MACROD2: variants seen among roughly 807,000 people sequenced by gnomAD.
The protein encoded by MACROD2 is mono-ADP ribosylhydrolase 2.
Under a neutral mutation model 70.4 loss-of-function variants are expected in MACROD2, and 36 were observed. The observed-to-expected ratio is 0.51, with a 90% CI of 0.39 to 0.68. The LOEUF (loss-of-function observed/expected upper bound fraction) is 0.68. Ranked by LOEUF, MACROD2 falls within the 30% of genes least tolerant of loss-of-function variation. The pLI is 0.00. For missense variants in MACROD2, 496 were observed against 538.4 expected (o/e 0.92, Z 0.78); for synonymous variants, 172 against 178.8 (o/e 0.96, Z 0.30).
intron 9 of MACROD2, among the ~76,000 whole-genome samples, chr20:15,882,770 G>C (rs987521333): frequency 6.6e-6 from 1 of 152,066 alleles, no homozygotes; most frequent in Non-Finnish European, 1.5e-5. Context: ...GACTAAATCA[G>C]TGCGTGAATG....
intron 12 of MACROD2, among the ~76,000 whole-genome samples, chr20:15,956,264 T>C (rs2065975446): frequency 6.6e-6 from 1 of 152,248 alleles, no homozygotes; most frequent in African/African-American, 2.4e-5. Flanking sequence ...AGTAATGATA[T>C]GACCTGAGCC....
Position 15,618,374 on chromosome 20 carries a change from A to G in MACROD2, c.645+118527A>G, listed in dbSNP as rs553614516. Among the ~76,000 whole-genome samples the G allele has an allele frequency of 4.6e-5, 7 of 152,264 alleles. No individual in the cohort carries two copies. In the South Asian group the frequency reaches 1.5e-3, roughly 32 times the overall value. ...CCAGCCACATGGAAACAAGGCAGTT[A>G]TCTGCAAAGCTGAACTAGATCTCAT... On this transcript the variant is annotated intron_variant, in intron 8 of 17. Transcript: ENST00000684519.
At chr20:15,121,284 G>C (rs1298735041) in intron 5 of MACROD2, among the ~76,000 whole-genome samples, 13 of 152,116 alleles carry the variant, frequency 8.5e-5, no homozygotes, top group Non-Finnish European at 1.8e-4. Flanking sequence ...AGCCAAGGCA[G>C]GTGGATCATC....
intron 5 of MACROD2, among the ~76,000 whole-genome samples, chr20:15,217,105 G>A (rs1332198908): frequency 6.6e-6 from 1 of 152,060 alleles, no homozygotes; most frequent in African/African-American, 2.4e-5. Flanking sequence ...GAGAAGACCA[G>A]GCATCCAAGA....
chr20:14,017,982 G>T (rs752422351), intron 2 of MACROD2, among the ~76,000 whole-genome samples: 1 of 152,008 alleles, frequency 6.6e-6, no homozygotes. Context: ...ACTAATTATA[G>T]GTCTATTGAA....
chr20:15,472,759 T>C (rs1452625220), intron 7 of MACROD2, among the ~76,000 whole-genome samples: 1 of 152,224 alleles, frequency 6.6e-6, no homozygotes, highest in Non-Finnish European at 1.5e-5. Context: ...TGTTCCAATG[T>C]TCTTTCCCAT....
At chr20:15,749,672 G>A (rs1030335834) in intron 8 of MACROD2, among the ~76,000 whole-genome samples, 5 of 152,042 alleles carry the variant, frequency 3.3e-5, no homozygotes, top group African/African-American at 1.2e-4. Context: ...TTGGCCCAAA[G>A]AGTGAGGAAA....
chr20:15,630,155 C>T (rs549742838), intron 8 of MACROD2, among the ~76,000 whole-genome samples: 1 of 152,196 alleles, frequency 6.6e-6, no homozygotes, highest in East Asian at 1.9e-4. Context: ...ATGAAAGTAA[C>T]TGAGTTAGTG....
At chr20:14,543,274 C>G (rs954528959) in intron 4 of MACROD2, among the ~76,000 whole-genome samples, 1 of 152,040 alleles carries the variant, frequency 6.6e-6, no homozygotes, top group African/African-American at 2.4e-5. Flanking sequence ...GATTCAAATC[C>G]CAGGCAGGAC....
At chr20:14,423,989 C>T (rs1382214911) in intron 3 of MACROD2, among the ~76,000 whole-genome samples, 6 of 151,452 alleles carry the variant, frequency 4.0e-5, no homozygotes, top group Non-Finnish European at 8.8e-5. Flanking sequence ...CTTGAACTCT[C>T]GACCTCAGGT....
intron 5 of MACROD2, among the ~76,000 whole-genome samples, chr20:14,685,941 G>A (rs2070996780): frequency 1.3e-5 from 2 of 152,324 alleles, no homozygotes; most frequent in African/African-American, 4.8e-5. Context: ...GGATGTGTGT[G>A]AATGGAGAAT....
intron 6 of MACROD2, among the ~76,000 whole-genome samples, chr20:15,410,135 C>T (rs2046057106): frequency 6.6e-6 from 1 of 152,050 alleles, no homozygotes; most frequent in African/African-American, 2.4e-5. Context: ...ATAATAAAAA[C>T]ACTTTAAAGC....
chr20:14,034,042 G>A (rs1286050524), intron 2 of MACROD2, among the ~76,000 whole-genome samples: 1 of 151,984 alleles, frequency 6.6e-6, no homozygotes, highest in Non-Finnish European at 1.5e-5. Flanking sequence ...CGCTATCTTG[G>A]CTCACTGCAA....
chr20:14,327,263 A>G (rs762589146), intron 3 of MACROD2: 5 of 1,613,666 alleles, frequency 3.1e-6, no homozygotes, highest in Non-Finnish European at 4.2e-6. Flanking sequence ...ACTTTCAGCA[A>G]GTTTTTCAAA....
intron 8 of MACROD2, among the ~76,000 whole-genome samples, chr20:15,789,639 G>A (rs1367712077): frequency 6.6e-6 from 1 of 151,386 alleles, no homozygotes; most frequent in Non-Finnish European, 1.5e-5. Context: ...TGAAAAGGAG[G>A]TGGCAAATAT....
intron 5 of MACROD2, among the ~76,000 whole-genome samples, chr20:14,754,068 C>A (rs1432412988): frequency 6.6e-6 from 1 of 152,126 alleles, no homozygotes; most frequent in East Asian, 1.9e-4. Context: ...AAGTAAAATA[C>A]TTCCATAAAA....
At chr20:15,899,153 ATATC>A (rs2065024073) in intron 10 of MACROD2, among the ~76,000 whole-genome samples, 1 of 151,898 alleles carries the variant, frequency 6.6e-6, no homozygotes, top group Non-Finnish European at 1.5e-5. Flanking sequence ...GGGTGTATAT[ATATC>A]TGTAGGTATG....
intron 5 of MACROD2, among the ~76,000 whole-genome samples, chr20:14,833,486 G>T (rs1257887469): frequency 6.6e-6 from 1 of 151,954 alleles, no homozygotes. Flanking sequence ...GTGACAGTTT[G>T]GTATATTCAT....
At chr20:15,189,560 T>A (rs369256246) in intron 5 of MACROD2, among the ~76,000 whole-genome samples, 10 of 152,324 alleles carry the variant, frequency 6.6e-5, no homozygotes, top group African/African-American at 1.9e-4. Context: ...TAAAATAGGC[T>A]ATTACAATTT....
Sources: gnomAD v4.1 joint callset for allele counts (sites outside exome capture counted in the v4.1 genomes callset) on GRCh38, gnomAD v4.1.1 for gene constraint, MANE v1.5 for transcripts, NCBI Gene and HGNC (gene_info 2026-07-23, HGNC 2026-07-21) for gene names.